ANXA8: variants seen among roughly 807,000 people sequenced by gnomAD.
ANXA8 encodes annexin A8, also known as VAC-beta.
ANXA8 carries 9 observed loss-of-function variants against 26.8 expected under a neutral mutation model. The observed-to-expected ratio is 0.34, with a 90% CI of 0.20 to 0.59. The LOEUF is 0.59. Among genes scored for constraint, ANXA8 ranks in the 20% least tolerant of loss-of-function variants. The probability of loss-of-function intolerance (pLI) is 0.84; values close to 1 mark genes in which losing one functional copy is unlikely to be tolerated. For missense variants in ANXA8, 83 were observed against 238.5 expected, an observed-to-expected ratio of 0.35 and a Z score of 4.29; for synonymous variants, 39 against 94.8, an observed-to-expected ratio of 0.41 and a Z score of 3.42.
chr10:47,511,506 A>C, the ANXA8 span, among the ~76,000 whole-genome samples: 2 of 115,386 alleles, frequency 1.7e-5, no homozygotes, highest in East Asian at 4.4e-4. Context: ...GTATCACTTA[A>C]ATATTCTCTC....
chr10:47,684,713 G>A, the ANXA8 span, among the ~76,000 whole-genome samples: 24 of 151,714 alleles, frequency 1.6e-4, no homozygotes, highest in Non-Finnish European at 2.1e-4. Context: ...AGCCTCTGGC[G>A]TAGCTGGGAT....
At chr10:47,644,862 A>C in the ANXA8 span, among the ~76,000 whole-genome samples, 7 of 151,142 alleles carry the variant, frequency 4.6e-5, no homozygotes, top group Non-Finnish European at 1.0e-4. Context: ...TGAAATTTTC[A>C]GGTTAAAACC....
the ANXA8 span, among the ~76,000 whole-genome samples, chr10:47,529,946 A>AGGTCT: frequency 7.2e-6 from 1 of 139,284 alleles, no homozygotes; most frequent in African/African-American, 2.7e-5. Flanking sequence ...AGTTCAGTTC[A>AGGTCT]GGTCTCTCAT....
At chr10:47,958,086 C>G in the ANXA8 span, among the ~76,000 whole-genome samples, 27 of 150,234 alleles carry the variant, frequency 1.8e-4, no homozygotes, top group Non-Finnish European at 8.8e-5. Context: ...TCAACCCACT[C>G]CAGGATTTTA....
At chr10:47,659,291 T>A in the ANXA8 span, among the ~76,000 whole-genome samples, 1 of 151,996 alleles carries the variant, frequency 6.6e-6, no homozygotes, top group African/African-American at 2.4e-5. Context: ...AGTACGTTCT[T>A]CTTTCTCATT....
chr10:47,544,191 C>T, the ANXA8 span, among the ~76,000 whole-genome samples: 7 of 151,832 alleles, frequency 4.6e-5, no homozygotes, highest in African/African-American at 1.5e-4. Context: ...TCCCATTTTC[C>T]TAAACATCTC....
chr10:47,491,786 C>T, the ANXA8 span: 1 of 1,416,086 alleles, frequency 7.1e-7, no homozygotes, highest in South Asian at 1.2e-5. Flanking sequence ...TCACCCCAGC[C>T]CAGTAGGAGG....
chr10:47,696,714 G>A, the ANXA8 span, among the ~76,000 whole-genome samples: 20 of 140,768 alleles, frequency 1.4e-4, no homozygotes, highest in Admixed American at 4.3e-4. Context: ...AAGAAGTATT[G>A]GGTATCATGT....
chr10:47,484,598 G>A (rs1839991592), upstream of ANXA8: 7 of 989,812 alleles, frequency 7.1e-6, no homozygotes, highest in Non-Finnish European at 1.0e-5. Context: ...CCCCCAGGCT[G>A]ACTCTGGCTC....
chr10:47,592,483 A>G, the ANXA8 span, among the ~76,000 whole-genome samples: 1 of 149,114 alleles, frequency 6.7e-6, no homozygotes. Flanking sequence ...TCTGGTCCAC[A>G]TGCCCCCTTG....
the ANXA8 span, among the ~76,000 whole-genome samples, chr10:47,969,858 G>C: frequency 1.7e-4 from 25 of 151,300 alleles, no homozygotes; most frequent in East Asian, 1.5e-3. Context: ...TGGGATTACA[G>C]GTGGGAGCCA....
upstream of ANXA8, among the ~76,000 whole-genome samples, chr10:47,487,935 G>A (rs1230597401): frequency 6.6e-6 from 1 of 151,010 alleles, no homozygotes; most frequent in Admixed American, 6.6e-5. Context: ...TGTTTACGAT[G>A]TCTTCCCCCT....
the ANXA8 span, among the ~76,000 whole-genome samples, chr10:47,674,654 C>T: frequency 6.6e-6 from 1 of 151,738 alleles, no homozygotes. Flanking sequence ...TCCTCAAGGG[C>T]AAAGTGTCTG....
chr10:47,585,608 A>G, the ANXA8 span, among the ~76,000 whole-genome samples: 203 of 146,862 alleles, frequency 1.4e-3, 17 homozygotes, highest in African/African-American at 5.3e-3. Context: ...AAGGGAGGAA[A>G]CGGGACACAA....
chr10:47,606,838 G>T, the ANXA8 span, among the ~76,000 whole-genome samples: 133 of 151,644 alleles, frequency 8.8e-4, no homozygotes, highest in African/African-American at 3.1e-3. Flanking sequence ...TAATGAACCT[G>T]CACTTGTACC....
intron 11 of ANXA8, among the ~76,000 whole-genome samples, chr10:47,469,875 T>A (rs1366364231): frequency 6.9e-6 from 1 of 145,666 alleles, no homozygotes; most frequent in Admixed American, 6.7e-5. Flanking sequence ...TACAATGAAA[T>A]TTTTTTTAAC....
At chr10:47,647,546 T>C in the ANXA8 span, among the ~76,000 whole-genome samples, 2 of 149,634 alleles carry the variant, frequency 1.3e-5, no homozygotes, top group Admixed American at 1.3e-4. Flanking sequence ...CCTGTATGAC[T>C]TCACAGAGTG....
chr10:47,733,215 T>C, the ANXA8 span, among the ~76,000 whole-genome samples: 842 of 94,266 alleles, frequency 8.9e-3, 3 homozygotes, highest in Admixed American at 0.013. Flanking sequence ...CTTTCTTTCT[T>C]TCTTTCTCTT....
the ANXA8 span, among the ~76,000 whole-genome samples, chr10:47,628,746 T>C: frequency 1.3e-5 from 2 of 149,728 alleles, no homozygotes; most frequent in Non-Finnish European, 3.0e-5. Context: ...TCCTGGTCAT[T>C]CAAAACCAAT....
Sources: gnomAD v4.1 joint callset for allele counts (sites outside exome capture counted in the v4.1 genomes callset) on GRCh38, gnomAD v4.1.1 for gene constraint, MANE v1.5 for transcripts, NCBI Gene and HGNC (gene_info 2026-07-23, HGNC 2026-07-21) for gene names.